The following DAP3 variants were observed in gnomAD, a reference collection of about 807,000 sequenced individuals.
DAP3 encodes the protein death associated protein 3.
A neutral mutation model predicts 51.9 loss-of-function variants in DAP3; 28 were observed. The ratio of observed to expected loss-of-function variants is 0.54; its 90% CI spans 0.40 to 0.74. DAP3 has a LOEUF of 0.74. Among genes scored for constraint, DAP3 ranks in the 30% least tolerant of loss-of-function variants. The probability of loss-of-function intolerance (pLI) is 0.00; values close to 1 mark genes in which losing one functional copy is unlikely to be tolerated. For synonymous variants in DAP3, 170 were observed against 170.3 expected (o/e 1.00, Z 0.01); for missense variants, 458 against 483.5 (o/e 0.95, Z 0.49).
At chr1:155,729,166 A>G in intron 8 of DAP3, 42 bp from the exon 9 acceptor site, 1 of 1,614,110 alleles carries the variant, frequency 6.2e-7, no homozygotes, top group Non-Finnish European at 8.5e-7. Context: ...ATAACAAGAG[A>G]AGGCCTCTGG....
chr1:155,688,251 C>T (rs1217075933), upstream of DAP3: 1 of 1,607,868 alleles, frequency 6.2e-7, no homozygotes. Flanking sequence ...GCTAAAGGGG[C>T]AAACTGAGAG....
At chr1:155,718,712 A>C (rs1368070468) in intron 3 of DAP3, among the ~76,000 whole-genome samples, 1 of 103,130 alleles carries the variant, frequency 9.7e-6, no homozygotes, top group Non-Finnish European at 2.4e-5. Flanking sequence ...AGAAAGATAG[A>C]TAGATAGATA....
At chr1:155,726,500 C>T (rs1194236274) in intron 6 of DAP3, among the ~76,000 whole-genome samples, 6 of 151,866 alleles carry the variant, frequency 4.0e-5, no homozygotes, top group Non-Finnish European at 8.8e-5. Flanking sequence ...CCATGTTGGC[C>T]AGGCTGGTCT....
chr1:155,689,060 C>T (rs1412858881), upstream of DAP3: 14 of 1,528,538 alleles, frequency 9.2e-6, no homozygotes, highest in Non-Finnish European at 1.1e-5. Context: ...CGCGTTGAGT[C>T]GTTTCCTGCC....
At position 155,708,204 on chromosome 1, in the gene DAP3, C is replaced by T. The variant is rs201409248; in HGVS notation, c.-7-1569C>T. Among the ~76,000 whole-genome samples, 11 of 152,044 alleles carry T rather than the reference C, an allele frequency of 7.2e-5. No homozygotes were observed. In the East Asian group the frequency reaches 1.2e-3, roughly 16 times the overall value. ...CTGGGATTACCGGTGTGTACCACCA[C>T]GCCCAGCTAATTTTTTGTATTTTTA... is the stretch of plus-strand genomic sequence containing the variant. On this transcript the variant is annotated intron_variant, in intron 1 of 12. Coordinates refer to ENST00000368336, the MANE Select transcript of DAP3 (RefSeq NM_004632.4).
chr1:155,698,493 G>A (rs564331357), intron 1 of DAP3, among the ~76,000 whole-genome samples: 6 of 152,194 alleles, frequency 3.9e-5, no homozygotes, highest in African/African-American at 1.4e-4. Flanking sequence ...TGGTAGGGGT[G>A]GTTCAGAGTC....
At chr1:155,700,640 C>G (rs1262874622) in intron 1 of DAP3, among the ~76,000 whole-genome samples, 1 of 141,426 alleles carries the variant, frequency 7.1e-6, no homozygotes. Flanking sequence ...GCCGCCCCTA[C>G]TGGGAAGTGA....
intron 1 of DAP3, among the ~76,000 whole-genome samples, chr1:155,706,385 A>T (rs1558345229): frequency 6.6e-6 from 1 of 152,182 alleles, no homozygotes; most frequent in Non-Finnish European, 1.5e-5. Flanking sequence ...CATTCCATTC[A>T]CAGAGCCTGA....
chr1:155,689,279 G>A (rs1458742197), intron 1 of DAP3, 105 bp downstream of exon 1: 1 of 649,852 alleles, frequency 1.5e-6, no homozygotes, highest in East Asian at 3.1e-5. Context: ...CGCGCCTCCG[G>A]GGGGGATTCC....
chr1:155,711,703 C>T (rs1355183966), intron 2 of DAP3, among the ~76,000 whole-genome samples: 1 of 151,320 alleles, frequency 6.6e-6, no homozygotes, highest in African/African-American at 2.4e-5. Context: ...TATTGAGTCA[C>T]ACCATCTGGC....
chr1:155,701,111 C>T (rs1048448899), intron 1 of DAP3, among the ~76,000 whole-genome samples: 2 of 128,212 alleles, frequency 1.6e-5, no homozygotes, highest in Non-Finnish European at 1.6e-5. Context: ...AGGGGCGCCT[C>T]TGCCCGGCCG....
chr1:155,697,956 A>G (rs1345859176), intron 1 of DAP3, among the ~76,000 whole-genome samples: 1 of 152,188 alleles, frequency 6.6e-6, no homozygotes, highest in African/African-American at 2.4e-5. Context: ...TTCCTTGCTG[A>G]GAAAAGAATT....
intron 1 of DAP3, among the ~76,000 whole-genome samples, chr1:155,694,624 G>A (rs1451353733): frequency 8.2e-6 from 1 of 122,318 alleles, no homozygotes; most frequent in Non-Finnish European, 1.5e-5. Flanking sequence ...GAGCCATCAG[G>A]CGTGCTGGGA....
intron 1 of DAP3, among the ~76,000 whole-genome samples, chr1:155,704,098 G>C (rs949503863): frequency 2.0e-5 from 3 of 152,184 alleles, no homozygotes; most frequent in Non-Finnish European, 4.4e-5. Flanking sequence ...AGTGAGCCTA[G>C]ATTGTGCCAC....
At chr1:155,721,419 C>A in intron 3 of DAP3, 98 bp from the exon 4 acceptor site, 1 of 628,726 alleles carries the variant, frequency 1.6e-6, no homozygotes, top group Non-Finnish European at 2.7e-6. Context: ...TATATATATA[C>A]ACATAGACAT....
chr1:155,688,939 T>C (rs150181705), upstream of DAP3: 206 of 1,612,776 alleles, frequency 1.3e-4, no homozygotes, highest in African/African-American at 2.5e-3. Context: ...CCTCCCTGGG[T>C]TCGTCGCCGC....
At chr1:155,703,335 G>C (rs1420584806) in intron 1 of DAP3, among the ~76,000 whole-genome samples, 1 of 152,206 alleles carries the variant, frequency 6.6e-6, no homozygotes, top group African/African-American at 2.4e-5. Flanking sequence ...GCAGGCAAGA[G>C]AGCATGAGAG....
chr1:155,736,353 T>G (rs1055174414), intron 11 of DAP3, among the ~76,000 whole-genome samples: 4 of 152,024 alleles, frequency 2.6e-5, no homozygotes, highest in Admixed American at 6.5e-5. Flanking sequence ...ATACACACAA[T>G]ATGTGTGTGT....
intron 7 of DAP3, among the ~76,000 whole-genome samples, chr1:155,728,543 CAG>C (rs1658849679): frequency 6.6e-6 from 1 of 151,960 alleles, no homozygotes; most frequent in Non-Finnish European, 1.5e-5. Context: ...GCCTGGGTAA[CAG>C]AGCGAGATAT....
Sources: gnomAD v4.1 joint callset for allele counts (sites outside exome capture counted in the v4.1 genomes callset) on GRCh38, gnomAD v4.1.1 for gene constraint, MANE v1.5 for transcripts, NCBI Gene and HGNC (gene_info 2026-07-23, HGNC 2026-07-21) for gene names.